JMJD1C: variants seen among roughly 807,000 people sequenced by gnomAD.
JMJD1C encodes the protein jumonji domain-containing protein 1C.
Under a neutral mutation model 245.3 loss-of-function variants are expected in JMJD1C, and 31 were observed. That is an observed-to-expected ratio of 0.13 (90% confidence interval 0.09 to 0.17). JMJD1C has a LOEUF of 0.17. Ranked by LOEUF, JMJD1C falls within the 10% of genes least tolerant of loss-of-function variation. JMJD1C has a pLI of 1.00. For missense variants in JMJD1C, 2,691 were observed against 3,000.2 expected (o/e 0.90, Z 2.41); for synonymous variants, 1,057 against 1,017.4 (o/e 1.04, Z -0.74).
intron 2 of JMJD1C, among the ~76,000 whole-genome samples, chr10:63,298,772 G>A (rs1363644236): frequency 6.6e-6 from 1 of 151,874 alleles, no homozygotes; most frequent in East Asian, 1.9e-4. Context: ...TGCTCTTGCC[G>A]CCCAGGCTGG....
chr10:63,387,447 A>G (rs187184146), intron 1 of JMJD1C, among the ~76,000 whole-genome samples: 1 of 152,062 alleles, frequency 6.6e-6, no homozygotes, highest in African/African-American at 2.4e-5. Flanking sequence ...CAGGATATGA[A>G]TGAAAAATTC....
chr10:63,345,510 A>C (rs957334931), intron 2 of JMJD1C, among the ~76,000 whole-genome samples: 1 of 151,780 alleles, frequency 6.6e-6, no homozygotes, highest in African/African-American at 2.4e-5. Flanking sequence ...AAAAAACAAA[A>C]AAAAGGAACA....
At chr10:63,304,647 T>C (rs1379524719) in intron 2 of JMJD1C, among the ~76,000 whole-genome samples, 4 of 152,274 alleles carry the variant, frequency 2.6e-5, no homozygotes, top group African/African-American at 7.2e-5. Context: ...ATTATGACAA[T>C]AGTCTGTATA....
chr10:63,460,432 T>C (rs1341290451), intron 1 of JMJD1C, among the ~76,000 whole-genome samples: 4 of 152,082 alleles, frequency 2.6e-5, no homozygotes, highest in Non-Finnish European at 5.9e-5. Flanking sequence ...GGTGGGAGGA[T>C]TGCCTGAGTT....
chr10:63,217,538 T>C (rs1377672737), intron 4 of JMJD1C, among the ~76,000 whole-genome samples: 1 of 152,074 alleles, frequency 6.6e-6, no homozygotes, highest in African/African-American at 2.4e-5. Flanking sequence ...ACTTCCTGAT[T>C]CAATAGAAAT....
At chr10:63,396,929 G>GTTT (rs1289435997) in intron 1 of JMJD1C, among the ~76,000 whole-genome samples, 1 of 130,128 alleles carries the variant, frequency 7.7e-6, no homozygotes, top group Admixed American at 7.7e-5. Context: ...CTGGTTTTTG[G>GTTT]TTTTTTTTTT....
chr10:63,518,875 G>C (rs532844024), intron 1 of JMJD1C, among the ~76,000 whole-genome samples: 1 of 152,294 alleles, frequency 6.6e-6, no homozygotes, highest in South Asian at 2.1e-4. Flanking sequence ...CTTAAACACA[G>C]TTCCGCTATC....
rs746245595 is a variant in JMJD1C, at chr10:63,207,988, A to G, written c.3681T>C (p.Leu1227=). 15 of 1,614,042 alleles carry G rather than the reference A, an allele frequency of 9.3e-6. No homozygotes were observed. The highest frequency in any genetic ancestry group is 1.3e-5 in the Non-Finnish European group (15 of 1,180,010). Residue 1227 remains leucine (L), a synonymous_variant, in exon 10 of 26, where the codon CTT becomes CTC. Coordinates refer to ENST00000399262, the MANE Select transcript of JMJD1C (RefSeq NM_032776.3). ...LERKEGSYSS[L]SPPTLTPVMP... ...TCACCGGAGTTAAAGTTGGAGGGGA[A>G]AGACTACTATAGCTGCCTTCCTTTC...
chr10:63,181,605 A>G (rs1484200391), intron 22 of JMJD1C, among the ~76,000 whole-genome samples: 3 of 148,966 alleles, frequency 2.0e-5, no homozygotes, highest in Non-Finnish European at 4.4e-5. Context: ...CTTTTTAGAT[A>G]AAGAAAGAGA....
rs959881719 is a variant in JMJD1C, at chr10:63,447,116, T to C, written c.168+18379A>G. Among the ~76,000 whole-genome samples, 9 of 150,926 alleles carry C rather than the reference T, an allele frequency of 6.0e-5. No individual in the cohort carries two copies. The East Asian group carries it at 1.5e-3, about 26-fold the overall frequency. On this transcript the variant is annotated intron_variant, in intron 1 of 25. Transcript: ENST00000399262. Reference sequence around the variant, plus strand: ...AAAACAGTATTTAAATAAAAATTCATCTTCTCAAGAGACTCTTAACAAGAG... The same window carrying C: ...AAAACAGTATTTAAATAAAAATTCACCTTCTCAAGAGACTCTTAACAAGAG...
At chr10:63,221,107 TA>T (rs71025127) in intron 3 of JMJD1C, among the ~76,000 whole-genome samples, 79 of 138,892 alleles carry the variant, frequency 5.7e-4, no homozygotes, top group Admixed American at 1.2e-3. Context: ...GACTCCGTCT[TA>T]AAAAAAAAAA....
At position 63,453,331 on chromosome 10, in the gene JMJD1C, A is replaced by G. The variant is rs959746282; in HGVS notation, c.168+12164T>C. ...TAAGTTTTGTTACATATATTTTACAATAAGAAAAATTTTTTAAAGAATGTC... is the reference window on the plus strand; with the variant it reads ...TAAGTTTTGTTACATATATTTTACAGTAAGAAAAATTTTTTAAAGAATGTC... On this transcript the variant is annotated intron_variant, in intron 1 of 25. Transcript: ENST00000399262. 2.6e-4 allele frequency among the ~76,000 whole-genome samples: 40 copies of G among 152,232 alleles called. 2 individuals carry two copies. The highest frequency in any genetic ancestry group is 4.8e-5 in the African/African-American group (2 of 41,452).
At chr10:63,241,207 C>T (rs908378122) in intron 3 of JMJD1C, among the ~76,000 whole-genome samples, 1 of 152,178 alleles carries the variant, frequency 6.6e-6, no homozygotes, top group African/African-American at 2.4e-5. Flanking sequence ...GAAGGGGTTA[C>T]ATCCAGATAA....
At chr10:63,493,645 G>C in intron 1 of JMJD1C, among the ~76,000 whole-genome samples, 1 of 151,962 alleles carries the variant, frequency 6.6e-6, no homozygotes, top group Non-Finnish European at 1.5e-5. Flanking sequence ...ACCACACCCG[G>C]CTAATTCCTA....
intron 1 of JMJD1C, chr10:63,382,958 T>G: frequency 2.4e-6 from 1 of 412,138 alleles, no homozygotes; most frequent in South Asian, 1.7e-5. Flanking sequence ...TATTAGTATA[T>G]AAGCAAATAC....
At chr10:63,177,617 T>C (rs897353299) in intron 23 of JMJD1C, 100 bp downstream of exon 23, 1 of 1,246,766 alleles carries the variant, frequency 8.0e-7, no homozygotes, top group Non-Finnish European at 1.1e-6. Flanking sequence ...GTAAAAATTA[T>C]GTAATGGTCT....
At chr10:63,465,262 C>G in intron 1 of JMJD1C, 1 of 515,314 alleles carries the variant, frequency 1.9e-6, no homozygotes, top group Non-Finnish European at 3.4e-6. Flanking sequence ...CCAGGGCAGC[C>G]TCCGCGGCTA....
chr10:63,367,843 T>A (rs1324394748), intron 2 of JMJD1C, among the ~76,000 whole-genome samples: 1 of 152,166 alleles, frequency 6.6e-6, no homozygotes, highest in Admixed American at 6.5e-5. Context: ...TGGATCAAGG[T>A]AAAACTCTGG....
In JMJD1C at chr10:63,214,747, T is replaced by C. The variant is rs1303936055; in HGVS notation, c.1420A>G (p.Asn474Asp). ...TCCTGAGGAAGTAAATCATTAGAATTATGATCAGAAACTGTGGACTGTTCT... is the reference window on the plus strand; with the variant it reads ...TCCTGAGGAAGTAAATCATTAGAATCATGATCAGAAACTGTGGACTGTTCT... ...SSEQSTVSDH[N>D]SNDLLPQECN... The change falls in exon 8 of 26, where the codon AAT becomes GAT. Residue 474 changes from asparagine to aspartate, a missense_variant. By Grantham distance (23) the Asn-to-Asp change is conservative. This residue lies in a region of JMJD1C where 1,562 missense variants were observed against 1,490.7 expected (regional missense o/e 1.05). Transcript: ENST00000399262. 4.3e-6 allele frequency: 7 copies of C among 1,613,808 alleles called. No individual in the cohort carries two copies. Among genetic ancestry groups the C allele is most frequent in the African/African-American group, 1.3e-5 (1 of 75,024 alleles).
Sources: gnomAD v4.1 joint callset for allele counts (sites outside exome capture counted in the v4.1 genomes callset) on GRCh38, gnomAD v4.1.1 for gene constraint, gnomAD v4.1.1 regional missense constraint, MANE v1.5 for transcripts, NCBI Gene and HGNC (gene_info 2026-07-23, HGNC 2026-07-21) for gene names.